SIK3: variants seen among roughly 807,000 people sequenced by gnomAD.
The protein encoded by SIK3 is SIK family kinase 3.
SIK3 carries 28 observed loss-of-function variants against 144.2 expected under a neutral mutation model. The observed-to-expected ratio is 0.19, with a 90% CI of 0.14 to 0.27. The LOEUF is 0.27. SIK3 is among the 10% of genes least tolerant of loss of function. The pLI, the probability that SIK3 is intolerant of heterozygous loss-of-function variation, is 1.00. For missense variants in SIK3, 1,319 were observed against 1,776.0 expected (o/e 0.74, Z 4.62); for synonymous variants, 686 against 676.3 (o/e 1.01, Z -0.22).
At chr11:116,865,407 G>T (rs1321582698) in intron 15 of SIK3, among the ~76,000 whole-genome samples, 3 of 152,086 alleles carry the variant, frequency 2.0e-5, no homozygotes, top group African/African-American at 7.2e-5. Context: ...TAACCTCAGA[G>T]GAACGGTTCT....
At chr11:117,060,435 A>G (rs1367929743) in intron 1 of SIK3, among the ~76,000 whole-genome samples, 10 of 152,128 alleles carry the variant, frequency 6.6e-5, no homozygotes, top group Non-Finnish European at 1.3e-4. Context: ...CATCTCTACT[A>G]AAAATATAAA....
At chr11:116,982,375 A>T (rs1171831171) in intron 1 of SIK3, among the ~76,000 whole-genome samples, 1 of 146,056 alleles carries the variant, frequency 6.8e-6, no homozygotes, top group Non-Finnish European at 1.5e-5. Context: ...TGCAACCTCC[A>T]CCTCCTGGGT....
At chr11:117,073,311 A>G (rs572503524) in intron 1 of SIK3, among the ~76,000 whole-genome samples, 2 of 152,152 alleles carry the variant, frequency 1.3e-5, no homozygotes, top group Non-Finnish European at 1.5e-5. Context: ...TCCATAACAG[A>G]CAAGTTGTCT....
At position 116,951,293 on chromosome 11, in the gene SIK3, C is replaced by T. The variant is rs192379687; in HGVS notation, c.454+2751G>A. Among the ~76,000 whole-genome samples, 9 of 152,254 alleles carry T rather than the reference C, an allele frequency of 5.9e-5. No homozygotes were observed. The East Asian group carries it at 9.6e-4, about 16-fold the overall frequency. On this transcript the variant is annotated intron_variant, in intron 3 of 24. Coordinates refer to ENST00000445177, the MANE Select transcript of SIK3 (RefSeq NM_001366686.3). ...ACACAGACATTTTTAAAAATCAGAG[C>T]TCATGAGACAGTTCTATCCCTGTGC...
At chr11:116,885,243 T>C (rs1944753436) in intron 6 of SIK3, among the ~76,000 whole-genome samples, 1 of 152,202 alleles carries the variant, frequency 6.6e-6, no homozygotes, top group South Asian at 2.1e-4. Context: ...AAAGTTTCTT[T>C]AGGAATCAAT....
At chr11:117,060,302 A>C (rs1439972467) in intron 1 of SIK3, among the ~76,000 whole-genome samples, 14 of 152,228 alleles carry the variant, frequency 9.2e-5, no homozygotes, top group Admixed American at 7.9e-4. Context: ...AGACAGTAAA[A>C]AGATCAGTGA....
chr11:116,947,239 T>TATATATAATATATA (rs1948692360), intron 3 of SIK3, among the ~76,000 whole-genome samples: 1 of 100,112 alleles, frequency 1.0e-5, no homozygotes, highest in Non-Finnish European at 2.0e-5. Context: ...TTATATATTT[T>TATATATAATATATA]ATATATAATT....
At position 116,858,749 on chromosome 11, in the gene SIK3, TTCC is replaced by T; in HGVS notation, c.2766-53_2766-51del. ...GACATCCATGTAACAAGTACTAGAC[TTCC>T]TGGGAACAGCTCCTCCTCCTCAGTA... is the stretch of plus-strand genomic sequence containing the variant. On this transcript the variant is annotated intron_variant, in intron 20 of 24. Transcript: ENST00000445177. The surrounding 1 kb of genome is among the most constrained non-coding windows in gnomAD (Gnocchi z 5.4). 1 of 1,511,624 alleles carries T rather than the reference TTCC, an allele frequency of 6.6e-7. No individual in the cohort carries two copies. The allele number at this position is 1,511,624 out of a possible 1,614,324, so 93.6% of individuals were successfully genotyped here. A position where few individuals can be genotyped will look rare whatever the true frequency, so the allele number is the denominator to read the frequency against.
At chr11:117,042,454 T>C (rs1263180177) in intron 1 of SIK3, among the ~76,000 whole-genome samples, 1 of 152,194 alleles carries the variant, frequency 6.6e-6, no homozygotes, top group Non-Finnish European at 1.5e-5. Context: ...ATTAGAAGCA[T>C]TTGAGGAACA....
intron 6 of SIK3, among the ~76,000 whole-genome samples, chr11:116,889,286 G>A (rs1024852840): frequency 2.6e-5 from 4 of 152,226 alleles, no homozygotes; most frequent in East Asian, 3.8e-4. Context: ...AATTTAGGTT[G>A]CGTATGCTGG....
chr11:116,923,581 A>T (rs1947120127), intron 4 of SIK3, among the ~76,000 whole-genome samples: 1 of 152,258 alleles, frequency 6.6e-6, no homozygotes, highest in African/African-American at 2.4e-5. Flanking sequence ...TGAGAAACTG[A>T]GTAACGATGG....
rs56258473 is a variant in SIK3, at chr11:117,056,536, G to GATAGATATAGAT, written c.273+41595_273+41606dup. ...ACTTAAAGTATAATAAAAATATATA[G>GATAGATATAGAT]ATAGATATAGATATAGATATAGATA... On this transcript the variant is annotated intron_variant, in intron 1 of 24. Transcript: ENST00000445177. 3.8e-3 allele frequency among the ~76,000 whole-genome samples: 530 copies of GATAGATATAGAT among 138,526 alleles called. 2 individuals carry two copies. The highest frequency in any genetic ancestry group is 5.2e-3 in the Non-Finnish European group (332 of 64,166). 90.9% of individuals were successfully genotyped at this position (138,526 alleles called of 152,430 possible). A position where few individuals can be genotyped will look rare whatever the true frequency, so the allele number is the denominator to read the frequency against.
intron 10 of SIK3, 35 bp from the exon 11 acceptor site, chr11:116,875,302 CAGAA>C: frequency 6.2e-7 from 1 of 1,613,290 alleles, no homozygotes; most frequent in Non-Finnish European, 8.5e-7. Flanking sequence ...AGTTAGAAAT[CAGAA>C]GGAAGGGAAG....
intron 3 of SIK3, among the ~76,000 whole-genome samples, chr11:116,939,434 C>T (rs1227988644): frequency 2.0e-5 from 3 of 152,230 alleles, no homozygotes; most frequent in South Asian, 2.1e-4. Flanking sequence ...GTGTGAGCCA[C>T]CAAGCCCGGC....
At chr11:117,013,967 C>CCTTTTTT (rs756680301) in intron 1 of SIK3, among the ~76,000 whole-genome samples, 3 of 7,374 alleles carry the variant, frequency 4.1e-4, no homozygotes, top group Non-Finnish European at 6.6e-4. Flanking sequence ...TTCTTTTTTT[C>CCTTTTTT]TTTTCTTTTT....
intron 4 of SIK3, among the ~76,000 whole-genome samples, chr11:116,898,423 C>T (rs61907571): frequency 0.028 from 4,252 of 150,666 alleles, 71 homozygotes; most frequent in Non-Finnish European, 0.035. Flanking sequence ...TGAATAGTGC[C>T]GCAATAAACA....
intron 6 of SIK3, among the ~76,000 whole-genome samples, chr11:116,880,978 G>T (rs1944513482): frequency 6.6e-6 from 1 of 152,134 alleles, no homozygotes. Context: ...ACAAAAATTA[G>T]CTGGGTGTGG....
At chr11:116,951,165 C>G (rs905815295) in intron 3 of SIK3, among the ~76,000 whole-genome samples, 1 of 152,134 alleles carries the variant, frequency 6.6e-6, no homozygotes, top group Non-Finnish European at 1.5e-5. Context: ...TAGTAATTTG[C>G]TCTAAGTAAA....
intron 21 of SIK3, among the ~76,000 whole-genome samples, chr11:116,851,715 C>T (rs142486523): frequency 6.9e-4 from 105 of 152,346 alleles, no homozygotes; most frequent in Admixed American, 1.4e-3. Context: ...AGAAAACCTA[C>T]ACCAGGACTT....
Sources: gnomAD v4.1 joint callset for allele counts (sites outside exome capture counted in the v4.1 genomes callset) on GRCh38, gnomAD v4.1.1 for gene constraint, Gnocchi (gnomAD v3.1) non-coding constraint, MANE v1.5 for transcripts, NCBI Gene and HGNC (gene_info 2026-07-23, HGNC 2026-07-21) for gene names.